Variants in CLYBL observed in about 807,000 individuals in gnomAD.
CLYBL encodes the protein citramalyl-CoA lyase, mitochondrial.
A neutral mutation model predicts 38.9 loss-of-function variants in CLYBL; 31 were observed. That is an observed-to-expected ratio of 0.80 (90% CI 0.60 to 1.08). The LOEUF (loss-of-function observed/expected upper bound fraction) is 1.08, where lower values mean the gene tolerates loss of function less well. Among genes scored for constraint, CLYBL ranks in the 50% least tolerant of loss-of-function variants. The probability of loss-of-function intolerance (pLI) is 0.00; values close to 1 mark genes in which losing one functional copy is unlikely to be tolerated. For missense variants in CLYBL, 434 were observed against 411.6 expected (o/e 1.05, Z -0.47); for synonymous variants, 171 against 158.6 (o/e 1.08, Z -0.59).
chr13:99,893,568 C>T (rs12584825), downstream of CLYBL: 29,133 of 152,512 alleles, frequency 0.19, 2,952 homozygotes, highest in East Asian at 0.3. Context: ...ATGGGCAGCC[C>T]TCACCCCAAT....
At position 99,863,048 on chromosome 13, in the gene CLYBL, T is replaced by G; in HGVS notation, c.496T>G (p.Leu166Val). Residue 166 changes from leucine to valine, a missense_variant, in exon 4 of 9, where the codon TTA becomes GTA. Transcript: ENST00000339105. The part of the protein sequence containing the change: ...KGRKLEQPMN[L>V]IPFVETAMGL... ...CCGAAAACTTGAACAACCAATGAATTTAATCCCTTTTGTGGAAACTGCAAT... is the reference window on the plus strand; with the variant it reads ...CCGAAAACTTGAACAACCAATGAATGTAATCCCTTTTGTGGAAACTGCAAT... 6.2e-7 allele frequency: 1 copy of G among 1,610,668 alleles called. No individual in the cohort carries two copies. The highest frequency in any genetic ancestry group is 8.5e-7 in the Non-Finnish European group (1 of 1,178,486).
At chr13:99,756,004 A>G (rs2049056362) in intron 1 of CLYBL, among the ~76,000 whole-genome samples, 1 of 152,202 alleles carries the variant, frequency 6.6e-6, no homozygotes, top group Non-Finnish European at 1.5e-5. Flanking sequence ...TGGAAATTAT[A>G]AGACTTCTTC....
intron 1 of CLYBL, among the ~76,000 whole-genome samples, chr13:99,687,960 A>T (rs2139419544): frequency 6.6e-6 from 1 of 152,324 alleles, no homozygotes; most frequent in Admixed American, 6.5e-5. Context: ...TTGCCCCCTG[A>T]TGGGGAGGAA....
chr13:99,847,594 G>C (rs934459378), intron 2 of CLYBL, among the ~76,000 whole-genome samples: 1 of 152,150 alleles, frequency 6.6e-6, no homozygotes, highest in African/African-American at 2.4e-5. Context: ...CAGGGAGTGG[G>C]TCCACATGCT....
chr13:99,825,821 C>G, intron 2 of CLYBL, among the ~76,000 whole-genome samples: 1 of 152,352 alleles, frequency 6.6e-6, no homozygotes, highest in African/African-American at 2.4e-5. Context: ...CTCATGGACA[C>G]TGGTAGAACC....
chr13:99,613,459 A>G (rs535305212), intron 1 of CLYBL, among the ~76,000 whole-genome samples: 33 of 152,286 alleles, frequency 2.2e-4, no homozygotes, highest in African/African-American at 7.0e-4. Context: ...CAGGGTCCCA[A>G]TAGGCCTTTT....
chr13:99,684,487 A>G (rs1175041325), intron 1 of CLYBL, among the ~76,000 whole-genome samples: 1 of 152,184 alleles, frequency 6.6e-6, no homozygotes, highest in South Asian at 2.1e-4. Context: ...TAAATAGAAA[A>G]GCTGGATTCC....
At chr13:99,676,569 C>T (rs1045907295) in intron 1 of CLYBL, among the ~76,000 whole-genome samples, 2 of 150,854 alleles carry the variant, frequency 1.3e-5, no homozygotes, top group Admixed American at 1.3e-4. Flanking sequence ...GGATTACAGG[C>T]ATGAGCCACC....
intron 1 of CLYBL, among the ~76,000 whole-genome samples, chr13:99,664,050 A>G (rs2047445822): frequency 6.6e-6 from 1 of 152,234 alleles, no homozygotes. Context: ...TAAAGGAAAA[A>G]GAGAAAAAGT....
intron 7 of CLYBL, among the ~76,000 whole-genome samples, chr13:99,888,681 G>A (rs908429944): frequency 6.6e-5 from 10 of 152,086 alleles, no homozygotes; most frequent in Non-Finnish European, 8.8e-5. Flanking sequence ...CCCGGGAGGC[G>A]GAGGTTGCAG....
At chr13:99,856,529 G>GT (rs926219490) in intron 2 of CLYBL, among the ~76,000 whole-genome samples, 4 of 152,040 alleles carry the variant, frequency 2.6e-5, no homozygotes, top group African/African-American at 9.7e-5. Context: ...ATCTTATCTC[G>GT]TTTTTTTGTA....
chr13:99,748,020 G>A (rs1459739714), intron 1 of CLYBL, among the ~76,000 whole-genome samples: 1 of 151,902 alleles, frequency 6.6e-6, no homozygotes, highest in Non-Finnish European at 1.5e-5. Flanking sequence ...TGATTATTGT[G>A]CGACCATCCC....
chr13:99,785,254 G>T (rs2049764149), intron 2 of CLYBL, among the ~76,000 whole-genome samples: 1 of 127,176 alleles, frequency 7.9e-6, no homozygotes, highest in African/African-American at 2.9e-5. Flanking sequence ...TGTCACCCAG[G>T]CTGGAATGCA....
At chr13:99,773,108 A>G (rs1760005191) in intron 2 of CLYBL, 98 bp downstream of exon 2, 4 of 1,004,078 alleles carry the variant, frequency 4.0e-6, no homozygotes, top group Non-Finnish European at 6.0e-6. Flanking sequence ...ATTCTACCAC[A>G]CTCATCTTTT....
At chr13:99,839,861 A>T (rs768956884) in intron 2 of CLYBL, among the ~76,000 whole-genome samples, 4 of 152,052 alleles carry the variant, frequency 2.6e-5, no homozygotes, top group African/African-American at 4.8e-5. Flanking sequence ...TTATTTTTAA[A>T]TGTGCAATTA....
chr13:99,835,351 C>A (rs1033062904), intron 2 of CLYBL, among the ~76,000 whole-genome samples: 1 of 152,240 alleles, frequency 6.6e-6, no homozygotes, highest in African/African-American at 2.4e-5. Flanking sequence ...TTCAGAGACC[C>A]ACGTTGCGTC....
chr13:99,782,177 G>A (rs577700209), intron 2 of CLYBL, among the ~76,000 whole-genome samples: 1 of 152,074 alleles, frequency 6.6e-6, no homozygotes, highest in African/African-American at 2.4e-5. Flanking sequence ...GCGAAAGTTG[G>A]TTGATCATAA....
rs531415510 is a variant in CLYBL, at chr13:99,809,191, TAATA to T, written c.249+36186_249+36189del. On this transcript the variant is annotated intron_variant, in intron 2 of 8. Transcript: ENST00000339105. ...TTATTTTAATGAATTACTATATTTA[TAATA>T]AATATAATTTAACAAATAAATTATG... 2.6e-3 allele frequency among the ~76,000 whole-genome samples: 403 copies of T among 152,324 alleles called. 1 individual carries two copies. The highest frequency in any genetic ancestry group is 9.3e-3 in the African/African-American group (388 of 41,582).
At chr13:99,827,758 C>T (rs1383896671) in intron 2 of CLYBL, among the ~76,000 whole-genome samples, 1 of 152,250 alleles carries the variant, frequency 6.6e-6, no homozygotes, top group East Asian at 1.9e-4. Flanking sequence ...AAGGCTCAGA[C>T]TCTCGCTTTG....
Sources: gnomAD v4.1 joint callset for allele counts (sites outside exome capture counted in the v4.1 genomes callset) on GRCh38, gnomAD v4.1.1 for gene constraint, MANE v1.5 for transcripts, NCBI Gene and HGNC (gene_info 2026-07-23, HGNC 2026-07-21) for gene names.